CCDC171: variants seen among roughly 807,000 people sequenced by gnomAD.
CCDC171 encodes the protein coiled-coil domain-containing protein 171.
Under a neutral mutation model 168.2 loss-of-function variants are expected in CCDC171, and 177 were observed. The ratio of observed to expected loss-of-function variants is 1.05; its 90% CI spans 0.93 to 1.19. The LOEUF (loss-of-function observed/expected upper bound fraction) is 1.19. Ranked by LOEUF, CCDC171 falls within the 50% of genes most tolerant of loss-of-function variation. CCDC171 has a pLI of 0.00. For missense variants in CCDC171, 1,991 were observed against 1,539.0 expected (o/e 1.29, Z -4.91); for synonymous variants, 687 against 540.8 (o/e 1.27, Z -3.75).
At chr9:15,690,234 A>G (rs941493781) in intron 10 of CCDC171, among the ~76,000 whole-genome samples, 1 of 152,164 alleles carries the variant, frequency 6.6e-6, no homozygotes, top group Non-Finnish European at 1.5e-5. Context: ...TAAAAACATT[A>G]AACACTTTAA....
intron 4 of CCDC171, among the ~76,000 whole-genome samples, chr9:15,590,833 CTTCTTCTTTCTTTCTTTCTTT>C (rs2041954674): frequency 6.8e-5 from 6 of 88,642 alleles, no homozygotes; most frequent in Non-Finnish European, 1.2e-4. Context: ...TTCTTTCTTT[CTTCTTCTTTCTTTCTTTCTTT>C]TTTCTTTCTT....
intron 18 of CCDC171, 112 bp downstream of exon 18, chr9:15,745,743 A>C: frequency 1.7e-6 from 1 of 604,740 alleles, no homozygotes; most frequent in South Asian, 2.8e-5. Context: ...ATTTGTTTTT[A>C]TCTTTATTTT....
At chr9:16,037,083 T>C (rs1327480642) in intron 8 of CCDC171, among the ~76,000 whole-genome samples, 1 of 152,186 alleles carries the variant, frequency 6.6e-6, no homozygotes, top group Non-Finnish European at 1.5e-5. Flanking sequence ...TTCTATAGCA[T>C]TGTAGGATAA....
At chr9:15,618,022 T>C (rs7850534) in intron 6 of CCDC171, among the ~76,000 whole-genome samples, 2,150 of 152,132 alleles carry the variant, frequency 0.014, 48 homozygotes, top group African/African-American at 0.048. Flanking sequence ...TCCTTAGGAG[T>C]GCGGGTGCGC....
chr9:15,828,878 GT>G (rs1041722631), intron 21 of CCDC171, among the ~76,000 whole-genome samples: 27 of 152,098 alleles, frequency 1.8e-4, no homozygotes, highest in Non-Finnish European at 3.7e-4. Flanking sequence ...AATAATCAGG[GT>G]TTTTGTATCT....
intron 24 of CCDC171, among the ~76,000 whole-genome samples, chr9:15,918,401 C>A (rs1226726509): frequency 5.5e-5 from 8 of 145,210 alleles, no homozygotes; most frequent in African/African-American, 2.0e-4. Flanking sequence ...TTCCCAACAA[C>A]ATAGAGTTGA....
chr9:15,794,733 A>G (rs1257142982), intron 21 of CCDC171, among the ~76,000 whole-genome samples: 2 of 152,208 alleles, frequency 1.3e-5, no homozygotes, highest in African/African-American at 2.4e-5. Context: ...AGCCTAAAAT[A>G]TTTCCTATCA....
At chr9:16,080,103 G>T in the CCDC171 span, among the ~76,000 whole-genome samples, 3 of 152,118 alleles carry the variant, frequency 2.0e-5, no homozygotes, top group East Asian at 5.8e-4. Flanking sequence ...TGCTCTATAG[G>T]ATGGCCTCTC....
At chr9:15,968,142 A>G (rs924441243) in intron 25 of CCDC171, among the ~76,000 whole-genome samples, 5 of 152,240 alleles carry the variant, frequency 3.3e-5, no homozygotes, top group Non-Finnish European at 5.9e-5. Flanking sequence ...TTCAAATAGA[A>G]TCATTTATAG....
chr9:15,878,423 A>G (rs536790098), intron 24 of CCDC171, among the ~76,000 whole-genome samples: 10 of 152,312 alleles, frequency 6.6e-5, no homozygotes, highest in South Asian at 6.2e-4. Flanking sequence ...CAAAACCACA[A>G]TGAGATACCA....
chr9:15,579,611 C>T (rs563928005), intron 4 of CCDC171, among the ~76,000 whole-genome samples: 21 of 152,244 alleles, frequency 1.4e-4, no homozygotes, highest in African/African-American at 4.8e-4. Context: ...ATAACAAGCA[C>T]CCAGATGAGG....
chr9:15,768,269 C>G (rs570237777), intron 18 of CCDC171, among the ~76,000 whole-genome samples: 1 of 151,826 alleles, frequency 6.6e-6, no homozygotes, highest in Non-Finnish European at 1.5e-5. Flanking sequence ...CTTCTGAAAA[C>G]TGTCTTTGTA....
chr9:15,812,082 T>TA (rs1588650797), intron 21 of CCDC171, among the ~76,000 whole-genome samples: 2 of 152,082 alleles, frequency 1.3e-5, no homozygotes, highest in East Asian at 3.9e-4. Context: ...AACAAGGTAT[T>TA]AAAAAAAGAG....
At chr9:16,021,049 T>C (rs902272516) in intron 4 of CCDC171, among the ~76,000 whole-genome samples, 2 of 152,248 alleles carry the variant, frequency 1.3e-5, no homozygotes, top group African/African-American at 2.4e-5. Flanking sequence ...CTTTTTGCTA[T>C]ATTTTAATTT....
rs369436220 is a variant in CCDC171 at position 15,626,068 on chromosome 9, C to G, written c.822+2655C>G. 6.8e-4 allele frequency among the ~76,000 whole-genome samples: 104 copies of G among 152,226 alleles called. No homozygotes were observed. In the Middle Eastern group the frequency reaches 0.014, roughly 20 times the overall value. ...AAGTTGGATTCCTAGGTATTTTATT[C>G]TCTTTGTAGCAATCATGATTGGGAG... On this transcript the variant is annotated intron_variant, in intron 7 of 25. Coordinates refer to ENST00000380701, the MANE Select transcript of CCDC171 (RefSeq NM_173550.4).
upstream of CCDC171, among the ~76,000 whole-genome samples, chr9:16,042,372 C>T (rs190595121): frequency 6.6e-6 from 1 of 152,310 alleles, no homozygotes; most frequent in East Asian, 1.9e-4. Flanking sequence ...CCCCATCAAC[C>T]TAATAGGCAG....
intron 18 of CCDC171, among the ~76,000 whole-genome samples, chr9:15,775,279 A>G (rs2057258603): frequency 6.6e-6 from 1 of 152,226 alleles, no homozygotes; most frequent in Admixed American, 6.5e-5. Context: ...GCAGAATTAT[A>G]TTGTCATTTA....
rs554295112 is a variant in CCDC171, at chr9:15,665,888, A to G, written c.916-275A>G. On this transcript the variant is annotated intron_variant, in intron 8 of 25. Transcript: ENST00000380701. ...AAAATTTAGATTGAGTTGTATCTAC[A>G]TATCTATTTTTCTTTGATAGAATGG... is the stretch of plus-strand genomic sequence containing the variant. 2.0e-5 allele frequency among the ~76,000 whole-genome samples: 3 copies of G among 152,338 alleles called. No individual in the cohort carries two copies. The East Asian group carries it at 5.8e-4, about 29-fold the overall frequency.
chr9:15,626,742 C>T (rs1051749147), intron 7 of CCDC171, among the ~76,000 whole-genome samples: 1 of 152,154 alleles, frequency 6.6e-6, no homozygotes, highest in Non-Finnish European at 1.5e-5. Flanking sequence ...ATTTTTGCAT[C>T]AATGTTCATC....
Sources: allele counts gnomAD v4.1 joint callset (sites outside exome capture counted in the v4.1 genomes callset), GRCh38; gene constraint gnomAD v4.1.1; transcripts MANE v1.5; gene names NCBI Gene and HGNC (gene_info 2026-07-23, HGNC 2026-07-21).